ZNF560: variants seen among roughly 807,000 people sequenced by gnomAD.
The protein encoded by ZNF560 is zinc finger protein 560.
ZNF560 carries 54 observed loss-of-function variants against 81.8 expected under a neutral mutation model. The observed-to-expected ratio is 0.66, with a 90% CI of 0.53 to 0.83. The LOEUF (loss-of-function observed/expected upper bound fraction) is 0.83, where lower values mean the gene tolerates loss of function less well. Ranked by LOEUF, ZNF560 falls within the 40% of genes least tolerant of loss-of-function variation. ZNF560 has a pLI of 0.00. For synonymous variants in ZNF560, 321 were observed against 317.9 expected (o/e 1.01, Z -0.10); for missense variants, 940 against 932.4 (o/e 1.01, Z -0.11).
chr19:9,446,024 A>T, the ZNF560 span, among the ~76,000 whole-genome samples: 1 of 152,026 alleles, frequency 6.6e-6, no homozygotes, highest in African/African-American at 2.4e-5. Flanking sequence ...TCTCTTTCTC[A>T]CTGAGCATTA....
rs572421683 is a variant in ZNF560 at position 9,468,224 on chromosome 19, C to A, written c.723G>T (p.Thr241=). Reference sequence around the variant, plus strand: ...CTTTTGCATACTGAATACATTCAGACGTGTTGCCTCTATTTTGAGTACTCA... The same window carrying A: ...CTTTTGCATACTGAATACATTCAGAAGTGTTGCCTCTATTTTGAGTACTCA... ...TNMSTQNRGN[T]SECIQYAKDL... Residue 241 remains threonine, a synonymous_variant, in exon 10 of 10, where the codon ACG becomes ACT. Transcript: ENST00000301480. The A allele has an allele frequency of 1.2e-6, 2 of 1,613,958 alleles. No homozygotes were observed. The highest frequency in any genetic ancestry group is 1.7e-6 in the Non-Finnish European group (2 of 1,180,008).
intron 2 of ZNF560, among the ~76,000 whole-genome samples, chr19:9,489,833 G>T (rs186676106): frequency 1.3e-5 from 2 of 152,044 alleles, no homozygotes; most frequent in African/African-American, 4.8e-5. Context: ...CTCATGATCC[G>T]CCCACCTCAG....
chr19:9,474,907 T>C (rs1416841151), intron 3 of ZNF560, among the ~76,000 whole-genome samples: 1 of 141,642 alleles, frequency 7.1e-6, no homozygotes, highest in Non-Finnish European at 1.5e-5. Context: ...GATCAAGCGA[T>C]AATGCCACTC....
At position 9,466,999 on chromosome 19, in the gene ZNF560, G is replaced by A; in HGVS notation, c.1948C>T (p.His650Tyr). 6.2e-7 allele frequency: 1 copy of A among 1,613,998 alleles called. No homozygotes were observed. Among genetic ancestry groups the A allele is most frequent in the Non-Finnish European group, 8.5e-7 (1 of 1,180,028 alleles). The stretch of plus-strand genomic sequence containing the variant: ...CATTTATAGGGTTTATATCCAGTGT[G>A]AGTTCTTAAATGATCAACTAGACTG... ...SSSLVDHLRT[H>Y]TGYKPYKCNA... Residue 650 changes from histidine (H) to tyrosine (Y), a missense_variant, in exon 10 of 10, where the codon CAC becomes TAC. His to Tyr is a moderately conservative substitution (Grantham distance 83). Transcript: ENST00000301480.
chr19:9,474,454 T>C (rs2073168740), intron 3 of ZNF560, 129 bp from the exon 4 acceptor site: 1 of 1,003,012 alleles, frequency 1.0e-6, no homozygotes, highest in Admixed American at 2.7e-5. Context: ...CAAAGCTTAA[T>C]AATCCCAGGT....
chr19:9,456,789 T>C, the ZNF560 span, among the ~76,000 whole-genome samples: 5 of 152,174 alleles, frequency 3.3e-5, no homozygotes, highest in African/African-American at 1.2e-4. Flanking sequence ...TACCTATAAA[T>C]TTATGGGGGC....
At chr19:9,449,098 G>A in the ZNF560 span, among the ~76,000 whole-genome samples, 1 of 152,158 alleles carries the variant, frequency 6.6e-6, no homozygotes, top group Non-Finnish European at 1.5e-5. Flanking sequence ...AGATCACTGA[G>A]GCAGAAAACT....
intron 5 of ZNF560, among the ~76,000 whole-genome samples, 168 bp from the exon 6 acceptor site, chr19:9,471,546 T>C (rs1159293043): frequency 1.3e-5 from 2 of 152,082 alleles, no homozygotes; most frequent in Admixed American, 1.3e-4. Context: ...AATAATGAGA[T>C]TAAAGGGTCA....
chr19:9,466,439 G>T lies in ZNF560; in HGVS notation c.*135C>A. 1 of 773,230 alleles carries T rather than the reference G, an allele frequency of 1.3e-6. No homozygotes were observed. The highest frequency in any genetic ancestry group is 2.1e-6 in the Non-Finnish European group (1 of 486,084). 47.9% of individuals were successfully genotyped at this position (773,230 alleles called of 1,614,324 possible). A position where few individuals can be genotyped will look rare whatever the true frequency, so the allele number is the denominator to read the frequency against. ...GTGTGAGTTTGTACATATCTAGAAA[G>T]ATTCAACTGTTCAGGCTTTCTCACA... On this transcript the variant is annotated 3_prime_UTR_variant, in exon 10 of 10. Coordinates refer to ENST00000301480, the MANE Select transcript of ZNF560 (RefSeq NM_152476.3).
intron 2 of ZNF560, among the ~76,000 whole-genome samples, chr19:9,486,777 T>C (rs1335248973): frequency 6.6e-6 from 1 of 151,732 alleles, no homozygotes; most frequent in African/African-American, 2.4e-5. Context: ...AAAGAAATAA[T>C]AGTTTCTTTT....
In ZNF560 at chr19:9,466,747, G is replaced by C. The variant is rs1214646134; in HGVS notation, c.2200C>G (p.His734Asp). The change falls in exon 10 of 10, where the codon CAC becomes GAC. Residue 734 changes from histidine to aspartate, a missense_variant. Physicochemically the swap from His to Asp is moderately conservative, Grantham distance 81. Transcript: ENST00000301480. ...CATTTATAGGGCTTCTCTCCAGTGTGAATTCGCACATGATTAGTAAGATCT... is the reference window on the plus strand; with the variant it reads ...CATTTATAGGGCTTCTCTCCAGTGTCAATTCGCACATGATTAGTAAGATCT... ...HSDLTNHVRI[H>D]TGEKPYKCKE... The C allele has an allele frequency of 6.2e-7, 1 of 1,614,138 alleles. No individual in the cohort carries two copies. The highest frequency in any genetic ancestry group is 1.7e-5 in the Admixed American group (1 of 60,014).
the ZNF560 span, among the ~76,000 whole-genome samples, chr19:9,447,448 G>T: frequency 1.4e-4 from 21 of 152,160 alleles, no homozygotes; most frequent in African/African-American, 4.3e-4. Context: ...GGGAAGCTCA[G>T]CTAGATCCAA....
intron 4 of ZNF560, 147 bp downstream of exon 4, chr19:9,474,052 T>C: frequency 1.1e-6 from 1 of 890,364 alleles, no homozygotes; most frequent in Non-Finnish European, 1.8e-6. Flanking sequence ...GACCACACTT[T>C]GAAAACGACC....
the ZNF560 span, among the ~76,000 whole-genome samples, chr19:9,454,767 A>G: frequency 9.9e-5 from 15 of 152,154 alleles, no homozygotes; most frequent in East Asian, 5.8e-4. Flanking sequence ...GGATATTCCT[A>G]TAACTGTCTG....
the ZNF560 span, among the ~76,000 whole-genome samples, chr19:9,455,680 A>G: frequency 6.6e-6 from 1 of 152,182 alleles, no homozygotes; most frequent in Non-Finnish European, 1.5e-5. Context: ...ACTGCTCAGG[A>G]TATAGTGTTG....
At chr19:9,459,381 G>C in the ZNF560 span, among the ~76,000 whole-genome samples, 1 of 152,256 alleles carries the variant, frequency 6.6e-6, no homozygotes, top group East Asian at 1.9e-4. Flanking sequence ...CAAAAGATTG[G>C]GAAACAGGTA....
the ZNF560 span, among the ~76,000 whole-genome samples, chr19:9,460,623 G>C: frequency 6.6e-6 from 1 of 152,136 alleles, no homozygotes; most frequent in Non-Finnish European, 1.5e-5. Flanking sequence ...AAGGCCACTA[G>C]TTGCCCACCC....
the ZNF560 span, among the ~76,000 whole-genome samples, chr19:9,455,283 G>C: frequency 1.3e-5 from 2 of 152,176 alleles, no homozygotes; most frequent in Non-Finnish European, 2.9e-5. Context: ...AAAAAATGTT[G>C]CTACCTCCAG....
chr19:9,470,564 C>T (rs1447913897), intron 6 of ZNF560, 46 bp from the exon 7 acceptor site: 1 of 1,613,972 alleles, frequency 6.2e-7, no homozygotes, highest in Non-Finnish European at 8.5e-7. Flanking sequence ...AACATCTCCA[C>T]CAATGTTGGC....
Sources: gnomAD v4.1 joint callset for allele counts (sites outside exome capture counted in the v4.1 genomes callset) on GRCh38, gnomAD v4.1.1 for gene constraint, MANE v1.5 for transcripts, NCBI Gene and HGNC (gene_info 2026-07-23, HGNC 2026-07-21) for gene names.